The following DYNC1I1 variants were observed in gnomAD, a reference collection of about 807,000 sequenced individuals.
DYNC1I1 encodes cytoplasmic dynein 1 intermediate chain 1.
A neutral mutation model predicts 86.6 loss-of-function variants in DYNC1I1; 43 were observed. The observed-to-expected ratio is 0.50, with a 90% CI of 0.39 to 0.64. The LOEUF is 0.64. Among genes scored for constraint, DYNC1I1 ranks in the 30% least tolerant of loss-of-function variants. The pLI is 0.00. For synonymous variants in DYNC1I1, 262 were observed against 283.7 expected, an observed-to-expected ratio of 0.92 and a Z score of 0.77; for missense variants, 604 against 788.8, an observed-to-expected ratio of 0.77 and a Z score of 2.81.
At chr7:95,849,226 G>A (rs978701484) in intron 5 of DYNC1I1, among the ~76,000 whole-genome samples, 5 of 151,998 alleles carry the variant, frequency 3.3e-5, no homozygotes, top group African/African-American at 1.2e-4. Context: ...TTTTTAGTTT[G>A]ATGTAACTCC....
downstream of DYNC1I1, chr7:96,110,281 G>A (rs878905689): frequency 5.2e-6 from 1 of 192,320 alleles, no homozygotes; most frequent in Non-Finnish European, 1.1e-5. Context: ...AAATGTTGCT[G>A]TTTATTCCTA....
At chr7:95,832,593 A>G (rs1334665372) in intron 5 of DYNC1I1, among the ~76,000 whole-genome samples, 1 of 152,098 alleles carries the variant, frequency 6.6e-6, no homozygotes, top group East Asian at 1.9e-4. Flanking sequence ...CAACAGTGTA[A>G]AAGTATTCCT....
intron 6 of DYNC1I1, among the ~76,000 whole-genome samples, chr7:95,907,775 T>G (rs1364115660): frequency 3.2e-5 from 1 of 30,844 alleles, no homozygotes; most frequent in African/African-American, 2.7e-4. Context: ...CAATCAACTG[T>G]TTTTTTTTTT....
At chr7:95,839,574 T>C (rs1198968726) in intron 5 of DYNC1I1, among the ~76,000 whole-genome samples, 2 of 152,240 alleles carry the variant, frequency 1.3e-5, no homozygotes, top group African/African-American at 4.8e-5. Context: ...TTTTTACTTT[T>C]ATATTTGAAC....
At chr7:95,781,858 G>A (rs1407910443) in intron 1 of DYNC1I1, among the ~76,000 whole-genome samples, 1 of 152,186 alleles carries the variant, frequency 6.6e-6, no homozygotes, top group Non-Finnish European at 1.5e-5. Flanking sequence ...AAGGAGGGGT[G>A]CTTGAAGATG....
chr7:95,977,332 T>C (rs1279176922), intron 6 of DYNC1I1, among the ~76,000 whole-genome samples, 180 bp from the exon 7 acceptor site: 1 of 152,176 alleles, frequency 6.6e-6, no homozygotes. Context: ...AGGCCCCTTT[T>C]GGAGATAATT....
intron 6 of DYNC1I1, among the ~76,000 whole-genome samples, chr7:95,945,179 A>T (rs1383158675): frequency 3.3e-5 from 5 of 152,072 alleles, no homozygotes; most frequent in Admixed American, 2.0e-4. Context: ...TCTACAGATG[A>T]CTGTAAAATA....
At chr7:95,790,026 A>G (rs970109065) in intron 1 of DYNC1I1, among the ~76,000 whole-genome samples, 1 of 152,176 alleles carries the variant, frequency 6.6e-6, no homozygotes, top group African/African-American at 2.4e-5. Flanking sequence ...CCATGTTTTA[A>G]AAGGCTGATG....
At position 95,869,754 on chromosome 7, in the gene DYNC1I1, C is replaced by A. The variant is rs3757696; in HGVS notation, c.375-129C>A. ...GCCCAGAGCCAGTTCTGCTTCATGA[C>A]CCTGCCCCTTGCACTCAGAAGCTGA... On this transcript the variant is annotated intron_variant, in intron 5 of 16. Coordinates refer to ENST00000447467, the MANE Select transcript of DYNC1I1 (RefSeq NM_001135556.2). The A allele has an allele frequency of 0.16, 144,984 of 906,134 alleles. 15,654 individuals carry two copies. Among genetic ancestry groups the A allele is most frequent in the East Asian group, 0.4 (16,132 of 39,998 alleles). 56.1% of individuals were successfully genotyped at this position (906,134 alleles called of 1,614,324 possible).
chr7:95,776,069 G>A (rs1167656138), intron 1 of DYNC1I1, among the ~76,000 whole-genome samples: 1 of 152,144 alleles, frequency 6.6e-6, no homozygotes, highest in Admixed American at 6.5e-5. Flanking sequence ...GCTCGTGCCT[G>A]TAATCCCAGG....
intron 9 of DYNC1I1, among the ~76,000 whole-genome samples, chr7:95,990,609 T>A (rs925079511): frequency 2.0e-5 from 3 of 152,208 alleles, no homozygotes; most frequent in African/African-American, 7.2e-5. Context: ...AGATTACTTA[T>A]ACACTCTGTA....
chr7:95,936,960 A>T (rs868186661), intron 6 of DYNC1I1, among the ~76,000 whole-genome samples: 23 of 141,188 alleles, frequency 1.6e-4, no homozygotes, highest in Non-Finnish European at 3.1e-4. Context: ...TATGTCTCAC[A>T]CACACACACA....
At chr7:95,846,205 A>G (rs751545447) in intron 5 of DYNC1I1, among the ~76,000 whole-genome samples, 9 of 152,160 alleles carry the variant, frequency 5.9e-5, no homozygotes, top group Non-Finnish European at 1.2e-4. Flanking sequence ...TGTACCTTCC[A>G]TCCTTACTAT....
In DYNC1I1 at chr7:95,995,957, C is replaced by A. The variant is rs761851293; in HGVS notation, c.853C>A (p.Leu285Met). Residue 285 changes from leucine (L) to methionine (M), a missense_variant, in exon 10 of 17, where the codon CTG becomes ATG. Leu to Met is a conservative substitution (Grantham distance 15). Coordinates refer to ENST00000447467, the MANE Select transcript of DYNC1I1 (RefSeq NM_001135556.2). ...GACCTCTTCCATTTAGTACCCTGAG[C>A]TGATGGTGGCTTCTTACAACAACAA... ...CMDWSLQYPELMVASYNNNED... is the reference protein window; with the variant it reads ...CMDWSLQYPEMMVASYNNNED... 6.2e-7 allele frequency: 1 copy of A among 1,603,330 alleles called. No individual in the cohort carries two copies. Among genetic ancestry groups the A allele is most frequent in the South Asian group, 1.1e-5 (1 of 88,738 alleles).
intron 5 of DYNC1I1, among the ~76,000 whole-genome samples, chr7:95,844,951 T>C (rs1434281744): frequency 6.6e-6 from 1 of 152,218 alleles, no homozygotes; most frequent in Non-Finnish European, 1.5e-5. Flanking sequence ...AACAGTAGTA[T>C]AATTTTGGGA....
At chr7:96,056,433 G>T (rs1789579467) in intron 14 of DYNC1I1, among the ~76,000 whole-genome samples, 1 of 152,044 alleles carries the variant, frequency 6.6e-6, no homozygotes, top group Non-Finnish European at 1.5e-5. Flanking sequence ...TCTATTTATT[G>T]GGAAAATAGT....
chr7:96,056,504 GT>G (rs144669952), intron 14 of DYNC1I1, among the ~76,000 whole-genome samples: 30 of 152,194 alleles, frequency 2.0e-4, no homozygotes, highest in African/African-American at 7.0e-4. Context: ...ATTATTACCA[GT>G]TTCTCTGAGG....
chr7:96,106,351 T>C (rs1297640543), intron 16 of DYNC1I1, among the ~76,000 whole-genome samples: 1 of 152,054 alleles, frequency 6.6e-6, no homozygotes, highest in African/African-American at 2.4e-5. Context: ...CTGACCAACA[T>C]GGTGAAACCC....
chr7:96,033,123 A>C lies in DYNC1I1; in HGVS notation c.1230+343A>C, dbSNP rs142454918. 4.5e-3 allele frequency among the ~76,000 whole-genome samples: 690 copies of C among 152,332 alleles called. 9 individuals are homozygous for C. Among genetic ancestry groups the C allele is most frequent in the African/African-American group, 0.016 (650 of 41,582 alleles). On this transcript the variant is annotated intron_variant, in intron 12 of 16. Coordinates refer to ENST00000447467, the MANE Select transcript of DYNC1I1 (RefSeq NM_001135556.2). ...ACAGATGCAGACGAGGTTGGAGCTC[A>C]GCAGAGCAATCCCTTATGGGTACTT...
Sources: allele counts gnomAD v4.1 joint callset (sites outside exome capture counted in the v4.1 genomes callset), GRCh38; gene constraint gnomAD v4.1.1; transcripts MANE v1.5; gene names NCBI Gene and HGNC (gene_info 2026-07-23, HGNC 2026-07-21).